MGAT5B: variants seen among roughly 807,000 people sequenced by gnomAD.
MGAT5B encodes alpha-1,6-mannosylglycoprotein 6-beta-N-acetylglucosaminyltransferase B.
Under a neutral mutation model 95.1 loss-of-function variants are expected in MGAT5B, and 54 were observed. The ratio of observed to expected loss-of-function variants is 0.57; its 90% confidence interval spans 0.46 to 0.71. MGAT5B has a LOEUF of 0.71. Among genes scored for constraint, MGAT5B ranks in the 30% least tolerant of loss-of-function variants. The probability of loss-of-function intolerance (pLI) is 0.00; values close to 1 mark genes in which losing one functional copy is unlikely to be tolerated. For missense variants in MGAT5B, 935 were observed against 1,088.6 expected (o/e 0.86, Z 1.99); for synonymous variants, 464 against 451.0 (o/e 1.03, Z -0.36).
At chr17:76,879,794 C>T (rs189387793) in intron 2 of MGAT5B, among the ~76,000 whole-genome samples, 3 of 152,218 alleles carry the variant, frequency 2.0e-5, no homozygotes, top group East Asian at 1.9e-4. Flanking sequence ...AAAAGTAAAC[C>T]GTTGCCCCCG....
chr17:76,875,995 C>T (rs899529879), intron 2 of MGAT5B, among the ~76,000 whole-genome samples: 11 of 151,994 alleles, frequency 7.2e-5, no homozygotes, highest in African/African-American at 2.7e-4. Context: ...AGAAAAGGGC[C>T]GCTGAGAACC....
chr17:76,903,900 G>A (rs1467614697), intron 5 of MGAT5B, among the ~76,000 whole-genome samples: 1 of 152,228 alleles, frequency 6.6e-6, no homozygotes, highest in Non-Finnish European at 1.5e-5. Context: ...GCTGCTCCCT[G>A]ACCTTGGCCT....
intron 15 of MGAT5B, chr17:76,944,409 T>C (rs76806137): frequency 0.029 from 4,360 of 152,298 alleles, 219 homozygotes; most frequent in African/African-American, 0.099. Flanking sequence ...GAGTTTTATT[T>C]ATAACCTGAG....
chr17:76,924,978 A>T lies in MGAT5B; in HGVS notation c.1038A>T (p.Val346=), dbSNP rs779139661. The part of the protein sequence containing the change: ...SLKELQSNLG[V]PPGRGSCPLT... ...GCTCTTCTCTCAGTAACTTAGGGGT[A>T]CCGCCAGGCCGGGGAAGCTGCCCGC... is the stretch of plus-strand genomic sequence containing the variant. Residue 346 remains valine, a synonymous_variant, in exon 9 of 18, where the codon GTA becomes GTT. Transcript: ENST00000569840. 1 of 1,611,928 alleles carries T rather than the reference A, an allele frequency of 6.2e-7. No homozygotes were observed. Among genetic ancestry groups the T allele is most frequent in the South Asian group, 1.1e-5 (1 of 91,064 alleles).
chr17:76,937,981 T>A lies in MGAT5B; in HGVS notation c.1429-7T>A. 4 of 1,612,334 alleles carry A rather than the reference T, an allele frequency of 2.5e-6. No individual in the cohort carries two copies. The highest frequency in any genetic ancestry group is 3.4e-6 in the Non-Finnish European group (4 of 1,178,430). On this transcript the variant is annotated splice_region_variant and splice_polypyrimidine_tract_variant and intron_variant, in intron 12 of 17. Transcript: ENST00000569840. ...GTGGTTCCCATCTCCTCCTCTTCTT[T>A]TTCCAGGGGAAGGAGAAGTTCCTGG...
intron 8 of MGAT5B, among the ~76,000 whole-genome samples, chr17:76,923,291 C>T (rs966084387): frequency 6.6e-6 from 1 of 152,200 alleles, no homozygotes; most frequent in African/African-American, 2.4e-5. Flanking sequence ...GTGACCTTGT[C>T]AAAGCTCATC....
At chr17:76,928,701 T>C (rs1272178514) in intron 10 of MGAT5B, among the ~76,000 whole-genome samples, 1 of 151,018 alleles carries the variant, frequency 6.6e-6, no homozygotes, top group African/African-American at 2.4e-5. Context: ...CAAGATTCTG[T>C]CTTGGGGGAA....
chr17:76,892,646 G>T (rs968260798), intron 3 of MGAT5B, among the ~76,000 whole-genome samples: 3 of 152,264 alleles, frequency 2.0e-5, no homozygotes, highest in African/African-American at 7.2e-5. Context: ...ATCAGCCAAG[G>T]GGAGCGGCGC....
chr17:76,920,477 A>G (rs997052700), intron 8 of MGAT5B, among the ~76,000 whole-genome samples: 1 of 152,180 alleles, frequency 6.6e-6, no homozygotes, highest in African/African-American at 2.4e-5. Context: ...TTGCCCATGA[A>G]AGTAAACTTA....
At chr17:76,884,100 G>T (rs748380629) in intron 3 of MGAT5B, among the ~76,000 whole-genome samples, 23 of 152,204 alleles carry the variant, frequency 1.5e-4, no homozygotes, top group Non-Finnish European at 2.6e-4. Flanking sequence ...TAAGCACCTG[G>T]CATGGTTCTT....
chr17:76,892,887 C>T (rs912795641), intron 3 of MGAT5B, among the ~76,000 whole-genome samples: 6 of 152,148 alleles, frequency 3.9e-5, no homozygotes, highest in Admixed American at 6.5e-5. Context: ...TGGCATGTCC[C>T]ACCGTCAATC....
intron 8 of MGAT5B, among the ~76,000 whole-genome samples, chr17:76,907,359 T>TA (rs906827783): frequency 3.3e-5 from 5 of 152,176 alleles, no homozygotes; most frequent in Admixed American, 2.0e-4. Flanking sequence ...CCTGCTTTTG[T>TA]AAAAAAAGTT....
chr17:76,908,172 A>G (rs1355039573), intron 8 of MGAT5B, among the ~76,000 whole-genome samples: 1 of 151,920 alleles, frequency 6.6e-6, no homozygotes, highest in African/African-American at 2.4e-5. Flanking sequence ...TTAATGTAAT[A>G]AAAGTTATCC....
At chr17:76,883,637 AGCTCCACTTTCCCTCTTTTATATATTGGG>A (rs1967512970) in intron 3 of MGAT5B, among the ~76,000 whole-genome samples, 1 of 152,322 alleles carries the variant, frequency 6.6e-6, no homozygotes, top group African/African-American at 2.4e-5. Context: ...CAGGGAGACG[AGCTCCACTTTCCCTCTTTTATATATTGGG>A]GTTCTTTGTG....
In MGAT5B at chr17:76,947,855, C is replaced by T; in HGVS notation, c.1949C>T (p.Ala650Val). 1.3e-6 allele frequency: 2 copies of T among 1,588,472 alleles called. No individual in the cohort carries two copies. The highest frequency in any genetic ancestry group is 1.1e-5 in the South Asian group (1 of 89,018). ...HQDFCRAPDP[A>V]LPEAHAPQSP... is the part of the protein sequence containing the mutation. ...GACTTCTGCAGAGCTCCAGACCCTG[C>T]CCTACCAGAGGCCCACGCCCCGCAG... Residue 650 changes from alanine to valine, a missense_variant, in exon 17 of 18, where the codon GCC becomes GTC. Ala to Val is a moderately conservative substitution (Grantham distance 64). Around this residue, in one of 4 missense-constraint regions of MGAT5B, gnomAD observed 440 missense variants for 523.6 expected, o/e 0.84. Transcript: ENST00000569840.
rs1018017762 is a variant in MGAT5B at position 76,869,405 on chromosome 17, G to C, written c.68+308G>C. Among the ~76,000 whole-genome samples, 1 of 152,060 alleles carries C rather than the reference G, an allele frequency of 6.6e-6. No individual in the cohort carries two copies. The highest frequency in any genetic ancestry group is 2.1e-4 in the South Asian group (1 of 4,828). On this transcript the variant is annotated intron_variant, in intron 1 of 17. Coordinates refer to ENST00000569840, the MANE Select transcript of MGAT5B (RefSeq NM_001199172.2). The surrounding 1 kb of genome is among the most constrained non-coding windows in gnomAD (Gnocchi z 7.0). ...GTCCTGGGCCCAGAAAGTTGCCCCA[G>C]CCTGCGCGCCCCTTCCCAGCCCCTC...
chr17:76,932,658 C>A lies in MGAT5B; in HGVS notation c.1305C>A (p.Asp435Glu). 1 of 1,613,958 alleles carries A rather than the reference C, an allele frequency of 6.2e-7. No individual in the cohort carries two copies. Among genetic ancestry groups the A allele is most frequent in the Non-Finnish European group, 8.5e-7 (1 of 1,179,888 alleles). Reference protein sequence around the residue: ...QFMTMFPHTPDNSFMGFVSEE... With the variant: ...QFMTMFPHTPENSFMGFVSEE... ...CTCGGGCTGCAGCTCATACCCCCGA[C>A]AACTCCTTCATGGGCTTCGTGTCCG... The change falls in exon 11 of 18, where the codon GAC becomes GAA. Residue 435 changes from aspartate (D) to glutamate (E), a missense_variant. Physicochemically the swap from Asp to Glu is conservative, Grantham distance 45. Coordinates refer to ENST00000569840, the MANE Select transcript of MGAT5B (RefSeq NM_001199172.2).
At chr17:76,945,711 T>C (rs142033486) in intron 15 of MGAT5B, among the ~76,000 whole-genome samples, 1 of 152,318 alleles carries the variant, frequency 6.6e-6, no homozygotes, top group Non-Finnish European at 1.5e-5. Context: ...TGTGTTCCTC[T>C]GCATGAATGT....
At chr17:76,880,499 C>T (rs534545614) in intron 2 of MGAT5B, among the ~76,000 whole-genome samples, 5 of 152,272 alleles carry the variant, frequency 3.3e-5, no homozygotes, top group African/African-American at 1.2e-4. Flanking sequence ...ATGCAGAAGC[C>T]GCTGGCTGCC....
Sources: gnomAD v4.1 joint callset for allele counts (sites outside exome capture counted in the v4.1 genomes callset) on GRCh38, gnomAD v4.1.1 for gene constraint, gnomAD v4.1.1 regional missense constraint, Gnocchi (gnomAD v3.1) non-coding constraint, MANE v1.5 for transcripts, NCBI Gene and HGNC (gene_info 2026-07-23, HGNC 2026-07-21) for gene names.